The following WDPCP variants were observed in gnomAD, a reference collection of about 807,000 sequenced individuals.
WDPCP encodes the protein WD repeat containing planar cell polarity effector.
Under a neutral mutation model 93.1 loss-of-function variants are expected in WDPCP, and 71 were observed. The observed-to-expected ratio is 0.76, with a 90% CI of 0.63 to 0.93. WDPCP has a LOEUF of 0.93. Among genes scored for constraint, WDPCP ranks in the 40% least tolerant of loss-of-function variants. The pLI is 0.00. For synonymous variants in WDPCP, 315 were observed against 315.0 expected (o/e 1.00, Z 0.00); for missense variants, 844 against 887.4 (o/e 0.95, Z 0.62).
At chr2:63,697,673 AGTCTCACTCT>A (rs1668978412) in intron 2 of WDPCP, among the ~76,000 whole-genome samples, 1 of 152,116 alleles carries the variant, frequency 6.6e-6, no homozygotes, top group Non-Finnish European at 1.5e-5. Context: ...TTTGAAACAG[AGTCTCACTCT>A]GTCACCCAGG....
intron 10 of WDPCP, among the ~76,000 whole-genome samples, chr2:63,401,642 T>G (rs1259976865): frequency 6.6e-6 from 1 of 152,000 alleles, no homozygotes; most frequent in Admixed American, 6.6e-5. Context: ...CTGTCTCTAC[T>G]AAAAATACAA....
intron 10 of WDPCP, 96 bp from the exon 11 acceptor site, chr2:63,382,190 T>G: frequency 1.6e-6 from 2 of 1,230,574 alleles, no homozygotes; most frequent in East Asian, 5.1e-5. Flanking sequence ...CCTATATTGC[T>G]TGCATTAAGT....
intron 1 of WDPCP, among the ~76,000 whole-genome samples, chr2:63,585,273 C>T (rs1326381872): frequency 6.6e-6 from 1 of 152,128 alleles, no homozygotes; most frequent in African/African-American, 2.4e-5. Context: ...TTTTAAAATA[C>T]TACATATTCA....
intron 1 of WDPCP, among the ~76,000 whole-genome samples, chr2:63,508,201 C>T (rs1436997196): frequency 6.6e-6 from 1 of 152,114 alleles, no homozygotes; most frequent in Non-Finnish European, 1.5e-5. Context: ...TCGGGTTACC[C>T]ACAAAGGAAA....
At chr2:63,591,928 A>G (rs1032697694), upstream of WDPCP, among the ~76,000 whole-genome samples, 3 of 152,232 alleles carry the variant, frequency 2.0e-5, no homozygotes, top group African/African-American at 7.2e-5. Context: ...CCATTTTACT[A>G]TGGGGAAATA....
At chr2:63,189,149 G>T (rs1042635742) in intron 14 of WDPCP, among the ~76,000 whole-genome samples, 1 of 152,066 alleles carries the variant, frequency 6.6e-6, no homozygotes, top group African/African-American at 2.4e-5. Context: ...CTGCAGAACC[G>T]CAGAGTCTCT....
chr2:63,582,695 T>C (rs1041764595), intron 1 of WDPCP, among the ~76,000 whole-genome samples: 1 of 151,704 alleles, frequency 6.6e-6, no homozygotes, highest in African/African-American at 2.4e-5. Flanking sequence ...GACACTTAAG[T>C]ACAAATACAG....
chr2:63,193,364 G>T (rs1037338140), intron 14 of WDPCP, among the ~76,000 whole-genome samples: 2 of 152,116 alleles, frequency 1.3e-5, no homozygotes, highest in African/African-American at 2.4e-5. Context: ...TTACAGCCAA[G>T]TTTCTTATAT....
chr2:63,321,581 C>G (rs7585664), intron 12 of WDPCP, among the ~76,000 whole-genome samples: 2 of 152,028 alleles, frequency 1.3e-5, no homozygotes, highest in Non-Finnish European at 2.9e-5. Context: ...TTCTGCTTTA[C>G]GAAGATTCCT....
intron 6 of WDPCP, among the ~76,000 whole-genome samples, chr2:63,464,736 G>A (rs1305762576): frequency 2.0e-5 from 3 of 152,012 alleles, no homozygotes; most frequent in African/African-American, 4.8e-5. Flanking sequence ...CACATGCTAC[G>A]ACACGGATGA....
chr2:63,547,858 T>C (rs1224234494), intron 1 of WDPCP, among the ~76,000 whole-genome samples: 4 of 151,906 alleles, frequency 2.6e-5, no homozygotes, highest in Non-Finnish European at 5.9e-5. Context: ...TAGATACAAA[T>C]GGTGTTTCAC....
chr2:63,796,632 G>A (rs1670621587), intron 2 of WDPCP, among the ~76,000 whole-genome samples: 1 of 152,250 alleles, frequency 6.6e-6, no homozygotes, highest in Non-Finnish European at 1.5e-5. Context: ...GCAACATGGG[G>A]CAGAAGTCAG....
intron 13 of WDPCP, among the ~76,000 whole-genome samples, chr2:63,289,045 A>G (rs972204904): frequency 6.6e-6 from 1 of 152,114 alleles, no homozygotes; most frequent in Non-Finnish European, 1.5e-5. Flanking sequence ...ATATAAATAT[A>G]AATTTTGATT....
At chr2:63,286,112 C>T (rs1265763843) in intron 13 of WDPCP, among the ~76,000 whole-genome samples, 1 of 151,930 alleles carries the variant, frequency 6.6e-6, no homozygotes, top group African/African-American at 2.4e-5. Flanking sequence ...CTCAAGTAAT[C>T]CTCCCACCTC....
Position 63,344,082 on chromosome 2 carries a change from G to A in WDPCP, c.1749-30771C>T, listed in dbSNP as rs554923557. Among the ~76,000 whole-genome samples the A allele has an allele frequency of 2.0e-5, 3 of 151,848 alleles. 1 individual carries two copies. The highest frequency in any genetic ancestry group is 4.2e-4 in the South Asian group (2 of 4,802). ...TTATGTGAATGGGCCATACCTTCCTGCTTTTAAACTTTTGTTGACATTTTA... is the reference window on the plus strand; with the variant it reads ...TTATGTGAATGGGCCATACCTTCCTACTTTTAAACTTTTGTTGACATTTTA... On this transcript the variant is annotated intron_variant, in intron 12 of 17. Transcript: ENST00000272321.
At chr2:63,608,144 G>A (rs2106633449) in intron 3 of WDPCP, among the ~76,000 whole-genome samples, 1 of 152,184 alleles carries the variant, frequency 6.6e-6, no homozygotes, top group African/African-American at 2.4e-5. Context: ...AGATAATATT[G>A]TTAACAGTGT....
intron 14 of WDPCP, among the ~76,000 whole-genome samples, chr2:63,216,305 C>G (rs546866163): frequency 1.6e-4 from 24 of 152,288 alleles, no homozygotes; most frequent in African/African-American, 5.1e-4. Context: ...TTGGAACCAA[C>G]CCAAATGTCC....
chr2:63,641,370 TGTTCTCCATAGTA>T (rs1312775319), intron 3 of WDPCP, among the ~76,000 whole-genome samples: 4 of 152,220 alleles, frequency 2.6e-5, no homozygotes, highest in Non-Finnish European at 4.4e-5. Context: ...ACCTCCAAAC[TGTTCTCCATAGTA>T]GTTGTACTAA....
At chr2:63,484,105 T>C (rs971537822) in intron 6 of WDPCP, among the ~76,000 whole-genome samples, 1 of 152,028 alleles carries the variant, frequency 6.6e-6, no homozygotes, top group African/African-American at 2.4e-5. Flanking sequence ...CACATATGAC[T>C]AGTGGCTACC....
Sources: gnomAD v4.1 joint callset for allele counts (sites outside exome capture counted in the v4.1 genomes callset) on GRCh38, gnomAD v4.1.1 for gene constraint, MANE v1.5 for transcripts, NCBI Gene and HGNC (gene_info 2026-07-23, HGNC 2026-07-21) for gene names.